The following JAZF1 variants were observed in gnomAD, a reference collection of about 807,000 sequenced individuals.
JAZF1 encodes JAZF zinc finger 1, also known as juxtaposed with another zinc finger protein 1.
Under a neutral mutation model 26.4 loss-of-function variants are expected in JAZF1, and 8 were observed. The observed-to-expected ratio is 0.30, with a 90% confidence interval of 0.18 to 0.55. The LOEUF is 0.55. Ranked by LOEUF, JAZF1 falls within the 20% of genes least tolerant of loss-of-function variation. JAZF1 has a pLI of 0.94. For missense variants in JAZF1, 199 were observed against 322.0 expected, an observed-to-expected ratio of 0.62 and a Z score of 2.92; for synonymous variants, 126 against 122.3, an observed-to-expected ratio of 1.03 and a Z score of -0.20.
chr7:27,924,556 A>C (rs112945649), intron 2 of JAZF1, among the ~76,000 whole-genome samples: 1 of 152,252 alleles, frequency 6.6e-6, no homozygotes, highest in African/African-American at 2.4e-5. Flanking sequence ...AAAATGAATT[A>C]GTACCCATGA....
At chr7:27,874,017 C>A (rs112661951) in intron 3 of JAZF1, among the ~76,000 whole-genome samples, 1 of 152,358 alleles carries the variant, frequency 6.6e-6, no homozygotes, top group African/African-American at 2.4e-5. Flanking sequence ...AGCAGTCTTT[C>A]TCCTTGGTCA....
chr7:28,061,010 C>T (rs974072814), intron 1 of JAZF1, among the ~76,000 whole-genome samples: 1 of 152,192 alleles, frequency 6.6e-6, no homozygotes, highest in African/African-American at 2.4e-5. Context: ...GAAACTAGTG[C>T]CTGGGTTCAA....
intron 1 of JAZF1, among the ~76,000 whole-genome samples, chr7:27,993,743 G>A (rs1013630410): frequency 6.6e-5 from 10 of 152,164 alleles, no homozygotes; most frequent in Non-Finnish European, 1.3e-4. Context: ...GGGCAATGTA[G>A]AAAATTTCTC....
intron 1 of JAZF1, among the ~76,000 whole-genome samples, chr7:28,097,558 T>A (rs1384548272): frequency 6.6e-6 from 1 of 152,208 alleles, no homozygotes; most frequent in Non-Finnish European, 1.5e-5. Flanking sequence ...CACAGGTACA[T>A]TAACTTAAGT....
At chr7:28,128,806 G>A (rs1782742162) in intron 1 of JAZF1, among the ~76,000 whole-genome samples, 1 of 152,184 alleles carries the variant, frequency 6.6e-6, no homozygotes, top group South Asian at 2.1e-4. Context: ...CCTCCTGCAT[G>A]ATGGCACACA....
intron 2 of JAZF1, among the ~76,000 whole-genome samples, chr7:27,967,381 T>A (rs563465219): frequency 6.6e-6 from 1 of 151,912 alleles, no homozygotes; most frequent in African/African-American, 2.4e-5. Flanking sequence ...AAACAGAACA[T>A]AGGGACATCT....
At chr7:27,941,849 A>C (rs989498798) in intron 2 of JAZF1, among the ~76,000 whole-genome samples, 1 of 152,174 alleles carries the variant, frequency 6.6e-6, no homozygotes. Flanking sequence ...AATTTATGCC[A>C]GCTTCAGCAC....
chr7:28,093,276 G>A (rs1784331566), intron 1 of JAZF1, among the ~76,000 whole-genome samples: 1 of 152,140 alleles, frequency 6.6e-6, no homozygotes, highest in Admixed American at 6.6e-5. Flanking sequence ...CTGTTCTCGT[G>A]GCAGTAAGTC....
chr7:28,177,914 T>C (rs1386940947), intron 1 of JAZF1, among the ~76,000 whole-genome samples: 1 of 152,240 alleles, frequency 6.6e-6, no homozygotes, highest in Non-Finnish European at 1.5e-5. Context: ...TCTTTCTGCA[T>C]ATAGGGCTGC....
At chr7:27,988,326 C>A (rs1785778473) in intron 2 of JAZF1, among the ~76,000 whole-genome samples, 1 of 151,588 alleles carries the variant, frequency 6.6e-6, no homozygotes, top group Non-Finnish European at 1.5e-5. Context: ...AGCCTTTATA[C>A]AAATCTGTAC....
At chr7:28,018,189 G>T (rs140742688) in intron 1 of JAZF1, among the ~76,000 whole-genome samples, 17 of 152,336 alleles carry the variant, frequency 1.1e-4, no homozygotes, top group African/African-American at 4.1e-4. Flanking sequence ...CAGGATGGGG[G>T]TGGGCAAGGA....
intron 1 of JAZF1, among the ~76,000 whole-genome samples, chr7:28,025,882 A>C (rs1401199858): frequency 6.6e-6 from 1 of 152,220 alleles, no homozygotes; most frequent in Non-Finnish European, 1.5e-5. Flanking sequence ...GTTATTATTC[A>C]GAGCCTTGGC....
chr7:27,883,324 T>G (rs535555350), intron 3 of JAZF1, among the ~76,000 whole-genome samples: 1 of 152,238 alleles, frequency 6.6e-6, no homozygotes, highest in Non-Finnish European at 1.5e-5. Flanking sequence ...AAGTGAAATA[T>G]GGCTGTAAAG....
At chr7:28,125,143 TTGC>T (rs1478418734) in intron 1 of JAZF1, among the ~76,000 whole-genome samples, 1 of 116,912 alleles carries the variant, frequency 8.6e-6, no homozygotes, top group Non-Finnish European at 1.9e-5. Context: ...ACAGGGAAGA[TTGC>T]TTTTTTTTTT....
At chr7:27,987,072 G>A (rs867646850) in intron 2 of JAZF1, among the ~76,000 whole-genome samples, 8 of 152,064 alleles carry the variant, frequency 5.3e-5, no homozygotes, top group African/African-American at 1.2e-4. Context: ...CTGCCCGGCC[G>A]CCACCCCATC....
chr7:27,837,514 C>A (rs1025788175), intron 4 of JAZF1, among the ~76,000 whole-genome samples: 6 of 152,186 alleles, frequency 3.9e-5, no homozygotes, highest in Admixed American at 1.3e-4. Flanking sequence ...TGAGGAGGGA[C>A]AGTGAGCTCT....
At chr7:28,059,162 T>C (rs183385309) in intron 1 of JAZF1, among the ~76,000 whole-genome samples, 1 of 152,132 alleles carries the variant, frequency 6.6e-6, no homozygotes, top group African/African-American at 2.4e-5. Context: ...TAATTAATAA[T>C]ATTTTTGCCT....
At chr7:27,838,176 T>A (rs1489921802) in intron 4 of JAZF1, among the ~76,000 whole-genome samples, 2 of 152,222 alleles carry the variant, frequency 1.3e-5, no homozygotes, top group Admixed American at 6.5e-5. Flanking sequence ...TGTGTGTATA[T>A]GAAATACACA....
intron 1 of JAZF1, among the ~76,000 whole-genome samples, chr7:28,056,427 TCAA>T (rs1783709223): frequency 1.5e-5 from 2 of 132,670 alleles, no homozygotes; most frequent in Non-Finnish European, 3.2e-5. Context: ...TTGAACTATT[TCAA>T]CAACTACACA....
Sources: allele counts gnomAD v4.1 joint callset (sites outside exome capture counted in the v4.1 genomes callset), GRCh38; gene constraint gnomAD v4.1.1; transcripts MANE v1.5; gene names NCBI Gene and HGNC (gene_info 2026-07-23, HGNC 2026-07-21).